The following NCKAP1 variants were observed in gnomAD, a reference collection of about 807,000 sequenced individuals.
NCKAP1 encodes nck-associated protein 1.
In NCKAP1, 21 loss-of-function variants were observed where a neutral mutation model predicts 151.2. The ratio of observed to expected loss-of-function variants is 0.14; its 90% CI spans 0.10 to 0.20. The LOEUF (loss-of-function observed/expected upper bound fraction) is 0.20. NCKAP1 is among the 10% of genes least tolerant of loss of function. The pLI is 1.00. For synonymous variants in NCKAP1, 484 were observed against 451.8 expected, an observed-to-expected ratio of 1.07 and a Z score of -0.90; for missense variants, 933 against 1,352.1, an observed-to-expected ratio of 0.69 and a Z score of 4.86.
intron 15 of NCKAP1, among the ~76,000 whole-genome samples, chr2:182,970,532 TAAC>T (rs1321675669): frequency 1.3e-5 from 2 of 152,094 alleles, no homozygotes; most frequent in African/African-American, 4.8e-5. Flanking sequence ...TAAAAACTCT[TAAC>T]AAACTAGGTA....
At chr2:182,936,736 G>A (rs34192739) in intron 24 of NCKAP1, among the ~76,000 whole-genome samples, 15,395 of 152,060 alleles carry the variant, frequency 0.1, 1,104 homozygotes, top group African/African-American at 0.2. Flanking sequence ...GATATAAGGC[G>A]CAAATTTATT....
At chr2:182,963,772 A>C (rs372876680) in intron 17 of NCKAP1, among the ~76,000 whole-genome samples, 47 of 152,008 alleles carry the variant, frequency 3.1e-4, no homozygotes, top group African/African-American at 1.1e-3. Flanking sequence ...AGTTTGGGAG[A>C]AAAAAATCTA....
At position 182,923,385 on chromosome 2, in the gene NCKAP1, A is replaced by G. The variant is rs924945033; in HGVS notation, c.*2317T>C. 1 of 151,600 alleles carries G rather than the reference A, an allele frequency of 6.6e-6. No homozygotes were observed. Among genetic ancestry groups the G allele is most frequent in the African/African-American group, 2.4e-5 (1 of 41,242 alleles). 9.4% of individuals were successfully genotyped at this position (151,600 alleles called of 1,614,324 possible). On this transcript the variant is annotated 3_prime_UTR_variant, in exon 31 of 31. Transcript: ENST00000361354. ...CCTTCCGGGTTCAAACAATTCTTCC[A>G]CCTCAGCCTCCCATGTAGCCAGGAT...
At chr2:183,016,786 G>A (rs1283561917) in intron 2 of NCKAP1, among the ~76,000 whole-genome samples, 1 of 152,142 alleles carries the variant, frequency 6.6e-6, no homozygotes, top group Non-Finnish European at 1.5e-5. Flanking sequence ...TCCCCTGGTG[G>A]AGGTTGGAGG....
At chr2:182,939,017 C>T (rs1251481757) in intron 24 of NCKAP1, among the ~76,000 whole-genome samples, 1 of 152,114 alleles carries the variant, frequency 6.6e-6, no homozygotes, top group African/African-American at 2.4e-5. Context: ...TAAAGATCTT[C>T]AGAGGCAACT....
chr2:183,038,381 C>G lies in NCKAP1; in HGVS notation c.-282G>C, dbSNP rs924810274. ...CCCCCGGCGCTCTCCGCCCCAGCCC[C>G]CAACGAGCCGCCTTCCCCGGCTGCT... On this transcript the variant is annotated 5_prime_UTR_variant, in exon 1 of 31. Coordinates refer to ENST00000361354, the MANE Select transcript of NCKAP1 (RefSeq NM_013436.5). The G allele has an allele frequency of 9.9e-5, 27 of 272,944 alleles. No individual in the cohort carries two copies. In the East Asian group the frequency reaches 1.7e-3, roughly 17 times the overall value. 16.9% of individuals were successfully genotyped at this position (272,944 alleles called of 1,614,324 possible). A position where few individuals can be genotyped will look rare whatever the true frequency, so the allele number is the denominator to read the frequency against.
intron 1 of NCKAP1, among the ~76,000 whole-genome samples, chr2:183,029,090 C>G (rs2105898491): frequency 6.6e-6 from 1 of 152,106 alleles, no homozygotes; most frequent in African/African-American, 2.4e-5. Context: ...GCACTCCAGC[C>G]TGGGCAACAA....
At position 182,939,361 on chromosome 2, in the gene NCKAP1, C is replaced by G. The variant is rs183908993; in HGVS notation, c.2695+2709G>C. On this transcript the variant is annotated intron_variant, in intron 24 of 30. Coordinates refer to ENST00000361354, the MANE Select transcript of NCKAP1 (RefSeq NM_013436.5). ...CCTGGACAACACTGTGAAACCCCATCTTACTAAAAATACAAAAATTAGCCG... is the reference window on the plus strand; with the variant it reads ...CCTGGACAACACTGTGAAACCCCATGTTACTAAAAATACAAAAATTAGCCG... Among the ~76,000 whole-genome samples, 3 of 152,046 alleles carry G rather than the reference C, an allele frequency of 2.0e-5. No homozygotes were observed. The East Asian group carries it at 5.8e-4, about 29-fold the overall frequency.
intron 17 of NCKAP1, among the ~76,000 whole-genome samples, chr2:182,964,299 T>C (rs1049722762): frequency 1.3e-5 from 2 of 152,152 alleles, no homozygotes; most frequent in Non-Finnish European, 2.9e-5. Flanking sequence ...AATCTCTCTT[T>C]GACTTGTTTA....
At chr2:182,982,590 A>C (rs1312714312) in intron 12 of NCKAP1, among the ~76,000 whole-genome samples, 42 of 152,214 alleles carry the variant, frequency 2.8e-4, no homozygotes, top group Non-Finnish European at 1.5e-5. Flanking sequence ...TATACTCTTC[A>C]GTGTACTATG....
intron 2 of NCKAP1, among the ~76,000 whole-genome samples, chr2:183,020,483 A>G (rs1246565116): frequency 8.1e-6 from 1 of 124,144 alleles, no homozygotes; most frequent in Non-Finnish European, 1.7e-5. Flanking sequence ...AAAAAAAAGA[A>G]AAAAAAGAAA....
intron 15 of NCKAP1, among the ~76,000 whole-genome samples, chr2:182,973,594 A>T (rs1390993223): frequency 6.6e-6 from 1 of 152,138 alleles, no homozygotes; most frequent in African/African-American, 2.4e-5. Context: ...CACTACTAAA[A>T]TTCTCCCAAA....
intron 23 of NCKAP1, among the ~76,000 whole-genome samples, chr2:182,945,321 C>T (rs1445958642): frequency 6.6e-6 from 1 of 151,786 alleles, no homozygotes; most frequent in Non-Finnish European, 1.5e-5. Flanking sequence ...GAGGGTGGGC[C>T]CAGGAGTTGG....
intron 2 of NCKAP1, among the ~76,000 whole-genome samples, chr2:183,016,675 T>G: frequency 6.6e-6 from 1 of 152,192 alleles, no homozygotes; most frequent in East Asian, 1.9e-4. Context: ...GTTGGCCTAC[T>G]ACATGCCAGT....
At chr2:182,952,613 A>G in intron 22 of NCKAP1, 111 bp from the exon 23 acceptor site, 2 of 1,106,518 alleles carry the variant, frequency 1.8e-6, no homozygotes, top group Non-Finnish European at 2.6e-6. Context: ...AAATCCTGAT[A>G]AAAGTCTCTA....
chr2:183,020,981 CAAAG>C (rs1698787703), intron 2 of NCKAP1, among the ~76,000 whole-genome samples: 1 of 152,014 alleles, frequency 6.6e-6, no homozygotes, highest in Non-Finnish European at 1.5e-5. Context: ...AGTAGCATTA[CAAAG>C]AATAGTTGTA....
intron 6 of NCKAP1, among the ~76,000 whole-genome samples, chr2:182,998,584 C>T (rs1698316107): frequency 6.6e-6 from 1 of 152,100 alleles, no homozygotes; most frequent in East Asian, 1.9e-4. Context: ...AATCTCAGCA[C>T]TTTGGGAGGC....
chr2:182,961,498 A>G (rs1017274782), intron 18 of NCKAP1, among the ~76,000 whole-genome samples: 1 of 152,106 alleles, frequency 6.6e-6, no homozygotes, highest in South Asian at 2.1e-4. Flanking sequence ...CAACCACCAC[A>G]TGTTCTCACT....
At chr2:183,026,677 C>T (rs1044103522) in intron 1 of NCKAP1, among the ~76,000 whole-genome samples, 2 of 152,058 alleles carry the variant, frequency 1.3e-5, no homozygotes, top group Non-Finnish European at 2.9e-5. Context: ...TCATGACTTA[C>T]TAGCCATGGG....
Sources: allele counts gnomAD v4.1 joint callset (sites outside exome capture counted in the v4.1 genomes callset), GRCh38; gene constraint gnomAD v4.1.1; transcripts MANE v1.5; gene names NCBI Gene and HGNC (gene_info 2026-07-23, HGNC 2026-07-21).